CDK14: variants seen among roughly 807,000 people sequenced by gnomAD.
CDK14 encodes cyclin-dependent kinase 14.
In CDK14, 34 loss-of-function variants were observed where a neutral mutation model predicts 60.7. The observed-to-expected ratio is 0.56, with a 90% CI of 0.43 to 0.75. CDK14 has a LOEUF of 0.75. Among genes scored for constraint, CDK14 ranks in the 30% least tolerant of loss-of-function variants. The probability of loss-of-function intolerance (pLI) is 0.00; values close to 1 mark genes in which losing one functional copy is unlikely to be tolerated. For synonymous variants in CDK14, 197 were observed against 203.7 expected, an observed-to-expected ratio of 0.97 and a Z score of 0.28; for missense variants, 482 against 564.1, an observed-to-expected ratio of 0.85 and a Z score of 1.47.
At chr7:90,992,132 A>G (rs1227299211) in intron 10 of CDK14, among the ~76,000 whole-genome samples, 1 of 152,224 alleles carries the variant, frequency 6.6e-6, no homozygotes, top group Non-Finnish European at 1.5e-5. Flanking sequence ...AAATGTTGGT[A>G]GCAAACTCCA....
chr7:91,150,088 G>A (rs1004409728), intron 14 of CDK14, among the ~76,000 whole-genome samples: 3 of 152,142 alleles, frequency 2.0e-5, no homozygotes, highest in Admixed American at 6.5e-5. Flanking sequence ...AGCAGGTAAG[G>A]GATAGATCTA....
chr7:90,883,980 CAT>C (rs1219938024), intron 6 of CDK14, among the ~76,000 whole-genome samples: 3 of 152,150 alleles, frequency 2.0e-5, no homozygotes. Context: ...CAGCCAATAT[CAT>C]ATTGAATGGG....
At chr7:90,938,440 G>T (rs1793818735) in intron 8 of CDK14, among the ~76,000 whole-genome samples, 1 of 152,140 alleles carries the variant, frequency 6.6e-6, no homozygotes. Flanking sequence ...AGTCCAACTT[G>T]CTAATGTTAT....
intron 9 of CDK14, 89 bp downstream of exon 9, chr7:90,955,906 A>C: frequency 6.8e-7 from 1 of 1,478,150 alleles, no homozygotes; most frequent in Non-Finnish European, 9.3e-7. Flanking sequence ...GTTTGAATGA[A>C]GATTAATGGT....
At chr7:90,986,147 G>A (rs1287222574) in intron 10 of CDK14, among the ~76,000 whole-genome samples, 2 of 151,938 alleles carry the variant, frequency 1.3e-5, no homozygotes, top group African/African-American at 2.4e-5. Context: ...ACCTTTCAAT[G>A]AAAAATAAAT....
intron 2 of CDK14, among the ~76,000 whole-genome samples, chr7:90,633,923 T>G (rs1800067067): frequency 1.3e-5 from 2 of 152,198 alleles, no homozygotes; most frequent in Admixed American, 6.5e-5. Flanking sequence ...GATTATGTTG[T>G]GAATATATTT....
chr7:90,856,688 T>G (rs974323617), intron 5 of CDK14, among the ~76,000 whole-genome samples: 4 of 152,230 alleles, frequency 2.6e-5, no homozygotes, highest in Admixed American at 1.3e-4. Flanking sequence ...CAGAATATTT[T>G]AGCTATGAAA....
intron 11 of CDK14, among the ~76,000 whole-genome samples, chr7:91,074,003 C>A (rs1159350881): frequency 6.6e-6 from 1 of 152,126 alleles, no homozygotes; most frequent in South Asian, 2.1e-4. Context: ...ATTCATAAAA[C>A]AAGTTCTTAG....
chr7:90,884,826 C>T (rs1791888423), intron 6 of CDK14, among the ~76,000 whole-genome samples: 1 of 152,062 alleles, frequency 6.6e-6, no homozygotes, highest in Non-Finnish European at 1.5e-5. Context: ...CAAAAACAAG[C>T]AATGGGGAAA....
chr7:90,881,271 A>G (rs1791743706), intron 6 of CDK14, among the ~76,000 whole-genome samples: 1 of 152,198 alleles, frequency 6.6e-6, no homozygotes, highest in Admixed American at 6.5e-5. Context: ...GAGCTGAAAA[A>G]CACCTCATGA....
chr7:90,718,207 A>G (rs1332981213), intron 2 of CDK14, among the ~76,000 whole-genome samples: 1 of 152,028 alleles, frequency 6.6e-6, no homozygotes, highest in Admixed American at 6.6e-5. Context: ...AATGCCCAGG[A>G]TGCCACCACT....
chr7:91,027,820 TCCTCTCCTCTCCCCTCCCCTCC>T (rs1796631784), intron 10 of CDK14, among the ~76,000 whole-genome samples: 1 of 1,648 alleles, frequency 6.1e-4, no homozygotes, highest in Non-Finnish European at 1.1e-3. Context: ...CCCTCTCCTC[TCCTCTCCTCTCCCCTCCCCTCC>T]CCTCCCCTCT....
chr7:90,672,502 G>GTTTTTTTTTTTTTTTT (rs201978996), intron 2 of CDK14, among the ~76,000 whole-genome samples: 1 of 49,984 alleles, frequency 2.0e-5, no homozygotes, highest in African/African-American at 8.0e-5. Flanking sequence ...TTCTTCTTCT[G>GTTTTTTTTTTTTTTTT]TTTTTTTTTT....
At chr7:90,869,903 T>C (rs1256675263) in intron 6 of CDK14, among the ~76,000 whole-genome samples, 1 of 152,220 alleles carries the variant, frequency 6.6e-6, no homozygotes. Context: ...TTTGCCAATG[T>C]TGCCAAAATG....
chr7:90,972,854 A>G (rs1794969155), intron 9 of CDK14, among the ~76,000 whole-genome samples: 1 of 152,196 alleles, frequency 6.6e-6, no homozygotes. Context: ...CCTGATTTTG[A>G]GAACAGCAGC....
intron 2 of CDK14, among the ~76,000 whole-genome samples, chr7:90,693,681 C>T (rs1418367995): frequency 6.6e-6 from 1 of 152,112 alleles, no homozygotes; most frequent in East Asian, 1.9e-4. Context: ...TAAGTCCCAG[C>T]GACAGAACAT....
intron 2 of CDK14, among the ~76,000 whole-genome samples, chr7:90,615,863 C>G (rs146235780): frequency 1.3e-5 from 2 of 152,094 alleles, no homozygotes; most frequent in African/African-American, 4.8e-5. Context: ...TCTTCACTTC[C>G]CCTATCAAAA....
At chr7:91,195,912 T>C (rs1584202022) in intron 14 of CDK14, among the ~76,000 whole-genome samples, 1 of 152,224 alleles carries the variant, frequency 6.6e-6, no homozygotes, top group Non-Finnish European at 1.5e-5. Flanking sequence ...CCTGTGTCTC[T>C]GTCTGCATCT....
intron 7 of CDK14, among the ~76,000 whole-genome samples, chr7:90,910,763 A>T (rs193149348): frequency 4.1e-4 from 62 of 152,214 alleles, no homozygotes; most frequent in African/African-American, 1.5e-3. Flanking sequence ...CAATTCACTT[A>T]ATTCCTCTTT....
Sources: allele counts gnomAD v4.1 joint callset (sites outside exome capture counted in the v4.1 genomes callset), GRCh38; gene constraint gnomAD v4.1.1; transcripts MANE v1.5; gene names NCBI Gene and HGNC (gene_info 2026-07-23, HGNC 2026-07-21).